The following COL25A1 variants were observed in gnomAD, a reference collection of about 807,000 sequenced individuals.
COL25A1 encodes collagen alpha-1(XXV) chain.
Under a neutral mutation model 128.4 loss-of-function variants are expected in COL25A1, and 103 were observed. The ratio of observed to expected loss-of-function variants is 0.80; its 90% CI spans 0.68 to 0.94. The LOEUF (loss-of-function observed/expected upper bound fraction) is 0.94. Ranked by LOEUF, COL25A1 falls within the 40% of genes least tolerant of loss-of-function variation. The probability of loss-of-function intolerance (pLI) is 0.00; values close to 1 mark genes in which losing one functional copy is unlikely to be tolerated. For synonymous variants in COL25A1, 279 were observed against 277.2 expected (o/e 1.01, Z -0.06); for missense variants, 745 against 840.0 (o/e 0.89, Z 1.40).
chr4:108,952,094 A>C (rs546994597), intron 8 of COL25A1, among the ~76,000 whole-genome samples: 1 of 152,310 alleles, frequency 6.6e-6, no homozygotes, highest in East Asian at 1.9e-4. Flanking sequence ...TATTAATTAT[A>C]GAGAAGTCTA....
intron 3 of COL25A1, among the ~76,000 whole-genome samples, chr4:109,232,129 G>T (rs1399991902): frequency 6.6e-6 from 1 of 152,010 alleles, no homozygotes; most frequent in Non-Finnish European, 1.5e-5. Flanking sequence ...TAAGCAGATG[G>T]GAAGAGAAAA....
intron 13 of COL25A1, among the ~76,000 whole-genome samples, chr4:108,907,643 C>T (rs1481319596): frequency 6.6e-6 from 1 of 152,164 alleles, no homozygotes; most frequent in Non-Finnish European, 1.5e-5. Context: ...AGTAACTTTT[C>T]CAGAGACAAA....
chr4:108,953,654 T>C (rs1749718370), intron 8 of COL25A1, among the ~76,000 whole-genome samples: 2 of 152,120 alleles, frequency 1.3e-5, no homozygotes, highest in African/African-American at 4.8e-5. Flanking sequence ...GCAGACCTAG[T>C]GTGGCTACAT....
At chr4:109,271,239 A>G (rs550932352) in intron 3 of COL25A1, among the ~76,000 whole-genome samples, 112 of 152,226 alleles carry the variant, frequency 7.4e-4, no homozygotes, top group Non-Finnish European at 1.2e-3. Flanking sequence ...AGAAAAGCAA[A>G]ACTAAAATGT....
At chr4:109,090,486 G>A (rs1319374887) in intron 3 of COL25A1, among the ~76,000 whole-genome samples, 1 of 152,164 alleles carries the variant, frequency 6.6e-6, no homozygotes, top group East Asian at 1.9e-4. Context: ...AACTATGAAA[G>A]TGCTTTCAGA....
At chr4:109,189,082 T>C (rs772834009) in intron 3 of COL25A1, among the ~76,000 whole-genome samples, 5 of 152,202 alleles carry the variant, frequency 3.3e-5, no homozygotes, top group African/African-American at 9.7e-5. Flanking sequence ...TCATCGTGTA[T>C]TCTATCATGT....
intron 3 of COL25A1, among the ~76,000 whole-genome samples, chr4:109,126,467 T>C (rs1173464488): frequency 1.3e-5 from 2 of 152,264 alleles, no homozygotes; most frequent in Non-Finnish European, 2.9e-5. Context: ...CCATGTCACA[T>C]ACTGACAGTA....
intron 8 of COL25A1, among the ~76,000 whole-genome samples, chr4:108,960,960 T>C (rs1750613854): frequency 6.6e-6 from 1 of 152,158 alleles, no homozygotes; most frequent in Non-Finnish European, 1.5e-5. Context: ...TTATTGTTAA[T>C]TTACATTCTC....
At chr4:109,185,048 G>A (rs1051625911) in intron 3 of COL25A1, among the ~76,000 whole-genome samples, 1 of 152,178 alleles carries the variant, frequency 6.6e-6, no homozygotes, top group African/African-American at 2.4e-5. Flanking sequence ...GTGTAGAAAA[G>A]AAAGTGTTGT....
intron 19 of COL25A1, among the ~76,000 whole-genome samples, chr4:108,875,951 C>T (rs774688392): frequency 5.9e-5 from 9 of 152,064 alleles, no homozygotes; most frequent in Non-Finnish European, 1.3e-4. Flanking sequence ...TCTCAGCAAA[C>T]TATCATAAGG....
chr4:109,265,693 T>C (rs1781743502), intron 3 of COL25A1, among the ~76,000 whole-genome samples: 1 of 152,128 alleles, frequency 6.6e-6, no homozygotes, highest in African/African-American at 2.4e-5. Context: ...TGCGGTCCTG[T>C]GCTGCACACC....
chr4:109,096,481 T>C (rs1765408009), intron 3 of COL25A1, among the ~76,000 whole-genome samples: 1 of 126,468 alleles, frequency 7.9e-6, no homozygotes, highest in African/African-American at 3.2e-5. Flanking sequence ...GCTGTACAGG[T>C]TGGTACCCTA....
chr4:108,846,025 G>T (rs547782139), intron 28 of COL25A1, 114 bp downstream of exon 28: 2 of 657,774 alleles, frequency 3.0e-6, no homozygotes, highest in Non-Finnish European at 5.1e-6. Flanking sequence ...AAAAATATGA[G>T]ATGAACCACT....
chr4:109,158,821 T>A (rs1184701316), intron 3 of COL25A1, among the ~76,000 whole-genome samples: 2 of 152,214 alleles, frequency 1.3e-5, no homozygotes, highest in Non-Finnish European at 2.9e-5. Flanking sequence ...GAAGAAATGG[T>A]TATGTGTTGA....
At chr4:109,030,884 C>T (rs1758787382) in intron 5 of COL25A1, among the ~76,000 whole-genome samples, 1 of 152,016 alleles carries the variant, frequency 6.6e-6, no homozygotes. Flanking sequence ...TCCCGAGTAG[C>T]TGGGTCTACA....
chr4:109,228,771 T>C (rs377548461), intron 3 of COL25A1, among the ~76,000 whole-genome samples: 1 of 152,162 alleles, frequency 6.6e-6, no homozygotes, highest in East Asian at 1.9e-4. Flanking sequence ...AGAGACCAAA[T>C]ATGCTAGCAC....
At chr4:109,104,637 A>G (rs892332900) in intron 3 of COL25A1, among the ~76,000 whole-genome samples, 4 of 152,200 alleles carry the variant, frequency 2.6e-5, no homozygotes, top group Non-Finnish European at 4.4e-5. Flanking sequence ...AGGGGAACAC[A>G]TTAAAAGACA....
At chr4:109,081,372 A>AT (rs1301994859) in intron 3 of COL25A1, among the ~76,000 whole-genome samples, 5 of 152,172 alleles carry the variant, frequency 3.3e-5, no homozygotes, top group Non-Finnish European at 5.9e-5. Flanking sequence ...AGTTGCTTTC[A>AT]TTTTTTACAG....
At chr4:108,840,182 C>A (rs992680818) in intron 31 of COL25A1, among the ~76,000 whole-genome samples, 1 of 143,754 alleles carries the variant, frequency 7.0e-6, no homozygotes, top group African/African-American at 2.6e-5. Flanking sequence ...GCGGAGGTTG[C>A]AGCGAGCCAA....
Sources: gnomAD v4.1 joint callset for allele counts (sites outside exome capture counted in the v4.1 genomes callset) on GRCh38, gnomAD v4.1.1 for gene constraint, MANE v1.5 for transcripts, NCBI Gene and HGNC (gene_info 2026-07-23, HGNC 2026-07-21) for gene names.